Variants in PRKN observed in about 807,000 individuals in gnomAD.
The protein encoded by PRKN is E3 ubiquitin-protein ligase parkin.
Under a neutral mutation model 59.5 loss-of-function variants are expected in PRKN, and 56 were observed. That is an observed-to-expected ratio of 0.94 (90% CI 0.76 to 1.18). The LOEUF (loss-of-function observed/expected upper bound fraction) is 1.18. PRKN is among the 50% of genes most tolerant of loss of function. The probability of loss-of-function intolerance (pLI) is 0.00; values close to 1 mark genes in which losing one functional copy is unlikely to be tolerated. For missense variants in PRKN, 657 were observed against 596.4 expected (o/e 1.10, Z -1.06); for synonymous variants, 250 against 222.1 (o/e 1.13, Z -1.12).
intron 7 of PRKN, among the ~76,000 whole-genome samples, chr6:161,645,532 C>A (rs991379735): frequency 6.6e-6 from 1 of 152,166 alleles, no homozygotes; most frequent in African/African-American, 2.4e-5. Context: ...AAAATTCTTA[C>A]TAAAATTTTT....
At chr6:161,989,887 C>T (rs1781578234) in intron 5 of PRKN, among the ~76,000 whole-genome samples, 1 of 152,180 alleles carries the variant, frequency 6.6e-6, no homozygotes, top group East Asian at 1.9e-4. Flanking sequence ...GATGGGCCCA[C>T]TCAGCCGGCT....
At chr6:162,031,236 C>A (rs957458298) in intron 5 of PRKN, among the ~76,000 whole-genome samples, 5 of 151,352 alleles carry the variant, frequency 3.3e-5, no homozygotes, top group Non-Finnish European at 5.9e-5. Context: ...CCAAGGGCAC[C>A]TATTTTTTTT....
intron 6 of PRKN, among the ~76,000 whole-genome samples, chr6:161,795,757 C>T (rs184901312): frequency 3.3e-5 from 5 of 152,048 alleles, no homozygotes; most frequent in East Asian, 3.9e-4. Context: ...TGGTCAGGCA[C>T]AGGATATTTC....
chr6:162,143,368 GATGTGCC>G (rs2128311472), intron 4 of PRKN, among the ~76,000 whole-genome samples: 1 of 152,222 alleles, frequency 6.6e-6, no homozygotes, highest in Admixed American at 6.5e-5. Context: ...CTTGATGGCT[GATGTGCC>G]ATAGAATGTC....
intron 4 of PRKN, among the ~76,000 whole-genome samples, chr6:162,058,637 C>T (rs1424265713): frequency 6.6e-6 from 1 of 152,186 alleles, no homozygotes; most frequent in African/African-American, 2.4e-5. Flanking sequence ...CAATAACACA[C>T]CTACGTGGCA....
intron 5 of PRKN, among the ~76,000 whole-genome samples, chr6:162,040,219 G>A (rs974965659): frequency 6.6e-6 from 1 of 152,122 alleles, no homozygotes; most frequent in African/African-American, 2.4e-5. Context: ...GAAGCGGTAG[G>A]AAACCTGGGC....
intron 1 of PRKN, 62 bp from the exon 2 acceptor site, chr6:162,443,535 G>A (rs1362117591): frequency 6.7e-7 from 1 of 1,486,574 alleles, no homozygotes; most frequent in African/African-American, 1.4e-5. Flanking sequence ...CTTAAATGGT[G>A]ATAGCAACAT....
At chr6:162,338,889 C>T (rs1429335296) in intron 2 of PRKN, among the ~76,000 whole-genome samples, 18 of 149,018 alleles carry the variant, frequency 1.2e-4, no homozygotes, top group Non-Finnish European at 2.1e-4. Flanking sequence ...ATGTGGGGAG[C>T]GCCTCTGCCC....
At chr6:162,540,184 G>A (rs770014078) in intron 1 of PRKN, among the ~76,000 whole-genome samples, 29 of 152,092 alleles carry the variant, frequency 1.9e-4, no homozygotes, top group Non-Finnish European at 3.8e-4. Flanking sequence ...CCAAAGTGCT[G>A]GGATTACAGG....
intron 7 of PRKN, among the ~76,000 whole-genome samples, chr6:161,610,031 G>A (rs747937561): frequency 6.6e-6 from 1 of 152,122 alleles, no homozygotes; most frequent in Non-Finnish European, 1.5e-5. Flanking sequence ...TTTTGAATGA[G>A]GCAATGACTC....
At chr6:162,352,059 G>T (rs1276443977) in intron 2 of PRKN, among the ~76,000 whole-genome samples, 1 of 152,160 alleles carries the variant, frequency 6.6e-6, no homozygotes, top group East Asian at 1.9e-4. Context: ...AGATACAAAT[G>T]AAAGACAGAC....
At chr6:161,644,586 C>T (rs1277926098) in intron 7 of PRKN, among the ~76,000 whole-genome samples, 1 of 152,172 alleles carries the variant, frequency 6.6e-6, no homozygotes, top group Non-Finnish European at 1.5e-5. Context: ...CAAGTGTGGG[C>T]GCCTGACCTA....
chr6:161,815,128 C>A (rs1791720594), intron 6 of PRKN, among the ~76,000 whole-genome samples: 1 of 152,190 alleles, frequency 6.6e-6, no homozygotes, highest in Non-Finnish European at 1.5e-5. Context: ...TTGCTGCAGC[C>A]AGGTATGCCT....
intron 1 of PRKN, among the ~76,000 whole-genome samples, chr6:162,554,426 C>T (rs1047612725): frequency 3.9e-5 from 6 of 152,062 alleles, no homozygotes; most frequent in African/African-American, 1.2e-4. Flanking sequence ...CACTTGAACT[C>T]GGGAGGCAGA....
Position 161,463,208 on chromosome 6 carries a change from C to T in PRKN, c.1084-76331G>A, listed in dbSNP as rs186432267. Among the ~76,000 whole-genome samples, 64 of 152,254 alleles carry T rather than the reference C, an allele frequency of 4.2e-4. 1 individual carries two copies. The highest frequency in any genetic ancestry group is 3.9e-3 in the Admixed American group (59 of 15,296). ...ATTCCTGAGGCATCCAGATTCAGCA[C>T]GGCCTCTGGAAGGTGACTGCCAGGT... is the stretch of plus-strand genomic sequence containing the variant. On this transcript the variant is annotated intron_variant, in intron 9 of 11. Transcript: ENST00000366898. The surrounding 1 kb of genome is among the most constrained non-coding windows in gnomAD (Gnocchi z 4.8).
At chr6:162,657,524 G>A (rs1778688348) in intron 1 of PRKN, among the ~76,000 whole-genome samples, 1 of 152,040 alleles carries the variant, frequency 6.6e-6, no homozygotes, top group African/African-American at 2.4e-5. Context: ...GCAACAAAAA[G>A]TTCTCTTAAG....
chr6:161,668,281 G>C (rs1436280391), intron 7 of PRKN, among the ~76,000 whole-genome samples: 1 of 142,706 alleles, frequency 7.0e-6, no homozygotes, highest in Non-Finnish European at 1.5e-5. Flanking sequence ...AAAAAAAAAG[G>C]CTTCAGTACA....
At chr6:161,936,785 CAT>C (rs112432998) in intron 6 of PRKN, among the ~76,000 whole-genome samples, 1,796 of 135,236 alleles carry the variant, frequency 0.013, 34 homozygotes, top group African/African-American at 0.047. Context: ...ATTTTTGTTT[CAT>C]ATTTTTTTTT....
At chr6:162,089,868 G>T (rs1273056651) in intron 4 of PRKN, among the ~76,000 whole-genome samples, 1 of 152,130 alleles carries the variant, frequency 6.6e-6, no homozygotes, top group Non-Finnish European at 1.5e-5. Flanking sequence ...TGGTAGCCAG[G>T]TACTCGGGGA....
Sources: allele counts gnomAD v4.1 joint callset (sites outside exome capture counted in the v4.1 genomes callset), GRCh38; gene constraint gnomAD v4.1.1; non-coding constraint Gnocchi (gnomAD v3.1); transcripts MANE v1.5; gene names NCBI Gene and HGNC (gene_info 2026-07-23, HGNC 2026-07-21).